Variants in PCDHGB2 observed in about 807,000 individuals in gnomAD.
PCDHGB2 encodes the protein protocadherin gamma subfamily B, 2, also known as protocadherin gamma-B2.
In PCDHGB2, 55 loss-of-function variants were observed where a neutral mutation model predicts 59.3. That is an observed-to-expected ratio of 0.93 (90% CI 0.75 to 1.16). The LOEUF is 1.16. PCDHGB2 is among the 50% of genes most tolerant of loss of function. The pLI is 0.00. For synonymous variants in PCDHGB2, 516 were observed against 512.0 expected (o/e 1.01, Z -0.11); for missense variants, 1,228 against 1,198.5 (o/e 1.02, Z -0.36).
intron 1 of PCDHGB2, chr5:141,375,764 G>C (rs746447899): frequency 1.9e-6 from 3 of 1,614,234 alleles, no homozygotes; most frequent in Non-Finnish European, 1.7e-6. Flanking sequence ...CAATGCGCCC[G>C]AGATCCTGTA....
intron 1 of PCDHGB2, among the ~76,000 whole-genome samples, chr5:141,456,101 G>A (rs1231843666): frequency 6.6e-6 from 1 of 151,970 alleles, no homozygotes; most frequent in African/African-American, 2.4e-5. Context: ...ATTTCACCGT[G>A]TTAGCCAGGA....
chr5:141,438,591 CATATATATATAT>C lies in PCDHGB2; in HGVS notation c.2422-56182_2422-56171del, dbSNP rs946798767. ...TCTGATATACATACATACATACATACATATATATATATATATATATATATATATATATATATA... is the reference window on the plus strand; with the variant it reads ...TCTGATATACATACATACATACATACATATATATATATATATATATATATA... On this transcript the variant is annotated intron_variant, in intron 1 of 3. Coordinates refer to ENST00000522605, the MANE Select transcript of PCDHGB2 (RefSeq NM_018923.3). Among the ~76,000 whole-genome samples the C allele has an allele frequency of 1.5e-4, 11 of 75,568 alleles. No homozygotes were observed. The East Asian group carries it at 2.8e-3, about 19-fold the overall frequency. The allele number at this position is 75,568 out of a possible 152,430, so 49.6% of individuals were successfully genotyped here.
At chr5:141,407,222 C>CA (rs895046980) in intron 1 of PCDHGB2, among the ~76,000 whole-genome samples, 4 of 151,730 alleles carry the variant, frequency 2.6e-5, no homozygotes, top group African/African-American at 7.2e-5. Flanking sequence ...AAGTGGGTAG[C>CA]AAAAAAAATA....
At chr5:141,385,474 T>G (rs554098554) in intron 1 of PCDHGB2, 33 of 1,436,526 alleles carry the variant, frequency 2.3e-5, no homozygotes, top group Non-Finnish European at 2.7e-5. Context: ...GGTGACACTT[T>G]AATATAGAAC....
At chr5:141,363,093 G>A (rs992729487) in intron 1 of PCDHGB2, among the ~76,000 whole-genome samples, 1 of 152,222 alleles carries the variant, frequency 6.6e-6, no homozygotes, top group African/African-American at 2.4e-5. Context: ...ATTTCTAAAG[G>A]ACAGGCAATG....
At chr5:141,503,801 G>A (rs920669425) in intron 2 of PCDHGB2, among the ~76,000 whole-genome samples, 1 of 151,990 alleles carries the variant, frequency 6.6e-6, no homozygotes, top group Admixed American at 6.6e-5. Flanking sequence ...ACTTAGGGAC[G>A]GGGAATCCCA....
chr5:141,385,256 A>G lies in PCDHGB2; in HGVS notation c.2421+22700A>G, dbSNP rs779090806. On this transcript the variant is annotated intron_variant, in intron 1 of 3. Transcript: ENST00000522605. Reference sequence around the variant, plus strand: ...ATGCTCATCAGCCAGGAGAGCTGTGAGAAAAATGATTCTTTGCTAACATCC... The same window carrying G: ...ATGCTCATCAGCCAGGAGAGCTGTGGGAAAAATGATTCTTTGCTAACATCC... 7 of 1,613,794 alleles carry G rather than the reference A, an allele frequency of 4.3e-6. No homozygotes were observed. In the Admixed American group the frequency reaches 1.0e-4, roughly 23 times the overall value.
At chr5:141,386,929 A>G (rs1329848875) in intron 1 of PCDHGB2, among the ~76,000 whole-genome samples, 1 of 152,216 alleles carries the variant, frequency 6.6e-6, no homozygotes, top group Non-Finnish European at 1.5e-5. Context: ...AAATAAGTGC[A>G]GAGGTAGGAA....
intron 1 of PCDHGB2, chr5:141,417,647 C>T: frequency 2.5e-6 from 2 of 812,384 alleles, no homozygotes; most frequent in Non-Finnish European, 3.7e-6. Context: ...ATCCCTCAGC[C>T]TCTAGCCTGG....
At chr5:141,462,360 A>G (rs1400686908) in intron 1 of PCDHGB2, among the ~76,000 whole-genome samples, 1 of 152,238 alleles carries the variant, frequency 6.6e-6, no homozygotes, top group Non-Finnish European at 1.5e-5. Flanking sequence ...TATACATTGT[A>G]TAGTTTCTAT....
intron 1 of PCDHGB2, among the ~76,000 whole-genome samples, chr5:141,469,096 G>A (rs1191827174): frequency 6.6e-6 from 1 of 151,944 alleles, no homozygotes; most frequent in Non-Finnish European, 1.5e-5. Flanking sequence ...AGGCAACAAA[G>A]CAAGAACCTG....
chr5:141,375,828 C>T, intron 1 of PCDHGB2: 1 of 1,614,168 alleles, frequency 6.2e-7, no homozygotes. Context: ...CCCCGCTCCG[C>T]AGAGCCCGGC....
chr5:141,471,338 A>G (rs1562030662), intron 1 of PCDHGB2: 1 of 152,234 alleles, frequency 6.6e-6, no homozygotes, highest in Non-Finnish European at 1.5e-5. Context: ...GGTATGATCC[A>G]CTGCGCCCGG....
At chr5:141,422,279 C>T (rs1344316011) in intron 1 of PCDHGB2, 1 of 1,557,956 alleles carries the variant, frequency 6.4e-7, no homozygotes, top group Non-Finnish European at 8.6e-7. Context: ...ATAACTATCA[C>T]CTCTTCTATT....
At chr5:141,466,107 G>T (rs1463944825) in intron 1 of PCDHGB2, among the ~76,000 whole-genome samples, 1 of 151,928 alleles carries the variant, frequency 6.6e-6, no homozygotes, top group East Asian at 1.9e-4. Flanking sequence ...GGGCAACAGA[G>T]TGAGACTCCA....
intron 1 of PCDHGB2, among the ~76,000 whole-genome samples, chr5:141,425,293 T>A (rs1332220576): frequency 1.3e-5 from 2 of 152,172 alleles, no homozygotes; most frequent in African/African-American, 4.8e-5. Context: ...TTATAAAACC[T>A]CATCTAAACT....
intron 1 of PCDHGB2, chr5:141,417,729 G>T (rs1175282861): frequency 1.6e-5 from 22 of 1,376,276 alleles, no homozygotes; most frequent in African/African-American, 8.8e-5. Context: ...CGCAGACCTT[G>T]CCCAGCACAC....
intron 1 of PCDHGB2, among the ~76,000 whole-genome samples, chr5:141,407,444 C>G (rs578101282): frequency 6.7e-6 from 1 of 150,116 alleles, no homozygotes; most frequent in South Asian, 2.1e-4. Flanking sequence ...AAAACCAGAA[C>G]ACGAGGCTCA....
In PCDHGB2 at chr5:141,476,264, G is replaced by A. The variant is rs753184649; in HGVS notation, c.2422-18543G>A. The A allele has an allele frequency of 2.5e-6, 4 of 1,614,082 alleles. No individual in the cohort carries two copies. The highest frequency in any genetic ancestry group is 3.4e-6 in the Non-Finnish European group (4 of 1,180,010). Reference sequence around the variant, plus strand: ...AGAGAAGGGTTTCGCTGTGGGCAACGTGGTCGCGAACCTTGGTTTGGATCT... The same window carrying A: ...AGAGAAGGGTTTCGCTGTGGGCAACATGGTCGCGAACCTTGGTTTGGATCT... On this transcript the variant is annotated intron_variant, in intron 1 of 3. Coordinates refer to ENST00000522605, the MANE Select transcript of PCDHGB2 (RefSeq NM_018923.3). The surrounding 1 kb of genome is among the most constrained non-coding windows in gnomAD (Gnocchi z 7.6).
Sources: allele counts gnomAD v4.1 joint callset (sites outside exome capture counted in the v4.1 genomes callset), GRCh38; gene constraint gnomAD v4.1.1; non-coding constraint Gnocchi (gnomAD v3.1); transcripts MANE v1.5; gene names NCBI Gene and HGNC (gene_info 2026-07-23, HGNC 2026-07-21).